SLC25A13: variants seen among roughly 807,000 people sequenced by gnomAD.
SLC25A13 encodes solute carrier family 25 member 13, also known as electrogenic aspartate/glutamate antiporter SLC25A13, mitochondrial.
Under a neutral mutation model 85.5 loss-of-function variants are expected in SLC25A13, and 70 were observed. The ratio of observed to expected loss-of-function variants is 0.82; its 90% confidence interval spans 0.68 to 1.00. SLC25A13 has a LOEUF of 1.00. SLC25A13 is among the 50% of genes least tolerant of loss of function. The probability of loss-of-function intolerance (pLI) is 0.00; values close to 1 mark genes in which losing one functional copy is unlikely to be tolerated. For missense variants in SLC25A13, 765 were observed against 819.8 expected, an observed-to-expected ratio of 0.93 and a Z score of 0.82; for synonymous variants, 259 against 288.7, an observed-to-expected ratio of 0.90 and a Z score of 1.04.
intron 14 of SLC25A13, among the ~76,000 whole-genome samples, chr7:96,143,542 A>G (rs1352597104): frequency 3.9e-5 from 6 of 152,228 alleles, no homozygotes; most frequent in Admixed American, 3.3e-4. Flanking sequence ...CCTCTGTGCT[A>G]TAACTAAATC....
At chr7:96,244,717 G>A (rs939025423) in intron 3 of SLC25A13, among the ~76,000 whole-genome samples, 3 of 152,142 alleles carry the variant, frequency 2.0e-5, no homozygotes, top group African/African-American at 7.2e-5. Flanking sequence ...GGCCAGCAGG[G>A]CTCTTCAGCT....
chr7:96,147,796 T>C (rs1378980222), intron 13 of SLC25A13, among the ~76,000 whole-genome samples: 6 of 152,184 alleles, frequency 3.9e-5, no homozygotes, highest in Non-Finnish European at 7.4e-5. Context: ...GTTCAATATA[T>C]ACTTTTAAGT....
chr7:96,271,457 A>G (rs1279982081), intron 3 of SLC25A13, among the ~76,000 whole-genome samples: 1 of 152,224 alleles, frequency 6.6e-6, no homozygotes, highest in Non-Finnish European at 1.5e-5. Flanking sequence ...GTGTCACAGT[A>G]AAACACTGAG....
intron 15 of SLC25A13, among the ~76,000 whole-genome samples, chr7:96,128,939 G>GCTTGCTCTCTCTCT (rs1554336579): frequency 2.4e-5 from 2 of 81,902 alleles, no homozygotes; most frequent in Admixed American, 2.8e-4. Flanking sequence ...TGCCTTGCTT[G>GCTTGCTCTCTCTCT]CTCTCTCTCT....
At chr7:96,140,278 G>A (rs1191369702) in intron 14 of SLC25A13, among the ~76,000 whole-genome samples, 1 of 151,272 alleles carries the variant, frequency 6.6e-6, no homozygotes, top group Non-Finnish European at 1.5e-5. Context: ...TCTTTTGGAT[G>A]TACACCCAGA....
intron 3 of SLC25A13, among the ~76,000 whole-genome samples, chr7:96,253,505 TAA>T (rs1281361326): frequency 1.3e-5 from 2 of 152,214 alleles, no homozygotes; most frequent in Non-Finnish European, 2.9e-5. Context: ...CCACAGATTT[TAA>T]AAGACATAGT....
chr7:96,215,533 A>C (rs575783401), intron 4 of SLC25A13, among the ~76,000 whole-genome samples: 1 of 152,328 alleles, frequency 6.6e-6, no homozygotes, highest in African/African-American at 2.4e-5. Context: ...ATTGATTTCC[A>C]ACAAAGGTAA....
rs181388537 is a variant in SLC25A13 at position 96,157,122 on chromosome 7, A to G, written c.1312-10426T>C. 2.6e-5 allele frequency among the ~76,000 whole-genome samples: 4 copies of G among 152,286 alleles called. No individual in the cohort carries two copies. In the East Asian group the frequency reaches 7.7e-4, roughly 29 times the overall value. On this transcript the variant is annotated intron_variant, in intron 13 of 17. Transcript: ENST00000265631. ...GTGCTGAGAGCAACCAGAAAGGGCAATAGGACTGTGACTACAACCATGTCA... is the reference window on the plus strand; with the variant it reads ...GTGCTGAGAGCAACCAGAAAGGGCAGTAGGACTGTGACTACAACCATGTCA...
chr7:96,258,019 C>A (rs1009241144), intron 3 of SLC25A13, among the ~76,000 whole-genome samples: 17 of 152,092 alleles, frequency 1.1e-4, no homozygotes, highest in African/African-American at 3.9e-4. Flanking sequence ...ATTCAACATC[C>A]CTTCATGGTA....
At chr7:96,272,377 G>T (rs1236802746) in intron 3 of SLC25A13, among the ~76,000 whole-genome samples, 2 of 152,124 alleles carry the variant, frequency 1.3e-5, no homozygotes, top group African/African-American at 4.8e-5. Context: ...ATGTTATTAT[G>T]AACTTTCAAT....
At chr7:96,144,874 A>T (rs1402235153) in intron 14 of SLC25A13, among the ~76,000 whole-genome samples, 1 of 152,198 alleles carries the variant, frequency 6.6e-6, no homozygotes, top group Non-Finnish European at 1.5e-5. Flanking sequence ...TAGACATTTC[A>T]ATAACAGTCA....
chr7:96,226,765 T>G (rs1796342593), intron 4 of SLC25A13, among the ~76,000 whole-genome samples: 3 of 152,210 alleles, frequency 2.0e-5, no homozygotes, highest in Admixed American at 2.0e-4. Flanking sequence ...AAATGTCTCC[T>G]CACATAATAG....
intron 1 of SLC25A13, among the ~76,000 whole-genome samples, chr7:96,305,616 T>A (rs531667027): frequency 6.6e-6 from 1 of 152,246 alleles, no homozygotes; most frequent in African/African-American, 2.4e-5. Flanking sequence ...ACTGGGGCTA[T>A]GTTCCTGATG....
At chr7:96,242,030 G>C (rs1170319635) in intron 3 of SLC25A13, among the ~76,000 whole-genome samples, 2 of 152,166 alleles carry the variant, frequency 1.3e-5, no homozygotes, top group Admixed American at 1.3e-4. Context: ...CATACTTCAG[G>C]AAGTTTGGTT....
chr7:96,143,469 T>A (rs1483842865), intron 14 of SLC25A13, among the ~76,000 whole-genome samples: 1 of 152,216 alleles, frequency 6.6e-6, no homozygotes, highest in Non-Finnish European at 1.5e-5. Flanking sequence ...CTTAGCTACA[T>A]TACATTCAAA....
At chr7:96,307,178 TA>T (rs1487432857) in intron 1 of SLC25A13, among the ~76,000 whole-genome samples, 2 of 152,078 alleles carry the variant, frequency 1.3e-5, no homozygotes, top group African/African-American at 4.8e-5. Context: ...ACATCAGTTG[TA>T]ATGCATGAAC....
intron 4 of SLC25A13, among the ~76,000 whole-genome samples, chr7:96,233,950 T>G (rs951991474): frequency 6.6e-6 from 1 of 151,940 alleles, no homozygotes; most frequent in Non-Finnish European, 1.5e-5. Flanking sequence ...TGCCACATTC[T>G]CCCTAATCTT....
intron 3 of SLC25A13, 67 bp downstream of exon 3, chr7:96,277,129 T>G: frequency 6.8e-7 from 1 of 1,477,286 alleles, no homozygotes; most frequent in Non-Finnish European, 9.1e-7. Context: ...GACTTCCTGG[T>G]CATTAGAGCA....
At chr7:96,308,038 G>A (rs1417263781) in intron 1 of SLC25A13, among the ~76,000 whole-genome samples, 2 of 151,476 alleles carry the variant, frequency 1.3e-5, no homozygotes, top group Non-Finnish European at 2.9e-5. Flanking sequence ...CTGTAATCCC[G>A]GCTATTCGGG....
Sources: allele counts gnomAD v4.1 joint callset (sites outside exome capture counted in the v4.1 genomes callset), GRCh38; gene constraint gnomAD v4.1.1; transcripts MANE v1.5; gene names NCBI Gene and HGNC (gene_info 2026-07-23, HGNC 2026-07-21).